CNTNAP2: variants seen among roughly 807,000 people sequenced by gnomAD.
The protein encoded by CNTNAP2 is contactin associated protein 2.
In CNTNAP2, 98 loss-of-function variants were observed where a neutral mutation model predicts 155.2. The ratio of observed to expected loss-of-function variants is 0.63; its 90% CI spans 0.54 to 0.75. The LOEUF is 0.75. CNTNAP2 is among the 30% of genes least tolerant of loss of function. The pLI is 0.00. For missense variants in CNTNAP2, 1,727 were observed against 1,688.1 expected, an observed-to-expected ratio of 1.02 and a Z score of -0.40; for synonymous variants, 651 against 631.2, an observed-to-expected ratio of 1.03 and a Z score of -0.47.
At chr7:147,978,044 T>G in intron 15 of CNTNAP2, 55 bp downstream of exon 15, 1 of 1,608,064 alleles carries the variant, frequency 6.2e-7, no homozygotes, top group Non-Finnish European at 8.5e-7. Context: ...TAAATATTGT[T>G]TCCAGGCTCC....
intron 4 of CNTNAP2, among the ~76,000 whole-genome samples, chr7:147,053,493 G>T (rs1304561802): frequency 1.3e-5 from 2 of 152,050 alleles, no homozygotes; most frequent in Non-Finnish European, 2.9e-5. Context: ...ATATGTCACT[G>T]ATATAGAGCT....
chr7:146,832,851 A>G (rs1453286756), intron 2 of CNTNAP2, among the ~76,000 whole-genome samples: 2 of 151,858 alleles, frequency 1.3e-5, no homozygotes, highest in Non-Finnish European at 2.9e-5. Context: ...ACCCGCCACC[A>G]CGCCTGGCAA....
chr7:146,268,673 G>A (rs1034302578), intron 1 of CNTNAP2, among the ~76,000 whole-genome samples: 4 of 152,178 alleles, frequency 2.6e-5, no homozygotes. Context: ...CAAATGAAAA[G>A]AGGAAAATGA....
intron 1 of CNTNAP2, among the ~76,000 whole-genome samples, chr7:146,548,103 C>T (rs577114047): frequency 6.6e-6 from 1 of 151,960 alleles, no homozygotes; most frequent in South Asian, 2.1e-4. Flanking sequence ...TTCCCTGACT[C>T]TCCCTCCTCC....
At chr7:147,536,143 G>A (rs1345836527) in intron 11 of CNTNAP2, among the ~76,000 whole-genome samples, 1 of 152,006 alleles carries the variant, frequency 6.6e-6, no homozygotes, top group Non-Finnish European at 1.5e-5. Flanking sequence ...TTTACCAAAT[G>A]AGTCTGAAAT....
chr7:147,221,429 G>T (rs995893324), intron 8 of CNTNAP2, among the ~76,000 whole-genome samples: 1 of 152,100 alleles, frequency 6.6e-6, no homozygotes, highest in African/African-American at 2.4e-5. Flanking sequence ...TCCTTGATAT[G>T]CAGCAGTGAT....
At chr7:147,977,832 A>C in intron 14 of CNTNAP2, 30 bp from the exon 15 acceptor site, 1 of 1,613,860 alleles carries the variant, frequency 6.2e-7, no homozygotes, top group Non-Finnish European at 8.5e-7. Flanking sequence ...CAGCCTCCTC[A>C]TTCTTTTTCT....
chr7:147,769,116 C>T (rs1245445434), intron 13 of CNTNAP2, among the ~76,000 whole-genome samples: 1 of 152,054 alleles, frequency 6.6e-6, no homozygotes, highest in African/African-American at 2.4e-5. Flanking sequence ...ATTTAATTAG[C>T]ACATGTGGTG....
intron 10 of CNTNAP2, among the ~76,000 whole-genome samples, chr7:147,448,640 A>C (rs1244861511): frequency 6.6e-6 from 1 of 151,944 alleles, no homozygotes; most frequent in Non-Finnish European, 1.5e-5. Context: ...GTGTTCTAAT[A>C]ATAGAGGAAA....
intron 1 of CNTNAP2, among the ~76,000 whole-genome samples, chr7:146,391,027 A>G (rs1312551821): frequency 7.0e-6 from 1 of 143,580 alleles, no homozygotes; most frequent in Non-Finnish European, 1.5e-5. Context: ...AGATCGCGCC[A>G]CTGCACTCCA....
chr7:146,286,748 G>A (rs188505409), intron 1 of CNTNAP2, among the ~76,000 whole-genome samples: 12 of 152,176 alleles, frequency 7.9e-5, no homozygotes, highest in African/African-American at 2.9e-4. Context: ...CCCTGACTGT[G>A]GAAAGTGATT....
At chr7:147,150,910 A>G (rs936365060) in intron 8 of CNTNAP2, among the ~76,000 whole-genome samples, 1 of 152,214 alleles carries the variant, frequency 6.6e-6, no homozygotes, top group African/African-American at 2.4e-5. Flanking sequence ...AAAGGACTAT[A>G]AAGAAATAGA....
At chr7:148,283,255 A>AAAAAG (rs1797008189) in intron 21 of CNTNAP2, among the ~76,000 whole-genome samples, 3 of 63,626 alleles carry the variant, frequency 4.7e-5, no homozygotes, top group East Asian at 6.0e-4. Flanking sequence ...AAAAAAAAAA[A>AAAAAG]AAAGAAAGAA....
At chr7:148,179,295 G>C (rs1172362101) in intron 18 of CNTNAP2, among the ~76,000 whole-genome samples, 1 of 152,160 alleles carries the variant, frequency 6.6e-6, no homozygotes, top group Non-Finnish European at 1.5e-5. Context: ...GATCATGTGA[G>C]CCCAGGAGTT....
At chr7:146,437,654 A>T (rs1185298621) in intron 1 of CNTNAP2, among the ~76,000 whole-genome samples, 1 of 151,672 alleles carries the variant, frequency 6.6e-6, no homozygotes, top group Non-Finnish European at 1.5e-5. Flanking sequence ...AACTAAAAAA[A>T]TAATTGTACA....
At chr7:146,877,419 G>T (rs1351120221) in intron 3 of CNTNAP2, among the ~76,000 whole-genome samples, 1 of 151,862 alleles carries the variant, frequency 6.6e-6, no homozygotes, top group African/African-American at 2.4e-5. Context: ...CCTGGAAGAT[G>T]GGTTGAGCCC....
chr7:146,853,173 T>C (rs138946781), intron 3 of CNTNAP2, among the ~76,000 whole-genome samples: 1 of 152,216 alleles, frequency 6.6e-6, no homozygotes, highest in East Asian at 1.9e-4. Flanking sequence ...GTTTTTCACA[T>C]GATATGTTAA....
Position 146,172,272 on chromosome 7 carries a change from G to C in CNTNAP2, c.97+55299G>C, listed in dbSNP as rs141712540. On this transcript the variant is annotated intron_variant, in intron 1 of 23. Coordinates refer to ENST00000361727, the MANE Select transcript of CNTNAP2 (RefSeq NM_014141.6). ...CTGGCAATATTTGGAGAAATGTTTT[G>C]TTGTCACAATTCTGGGGAGAGGAAT... Among the ~76,000 whole-genome samples the C allele has an allele frequency of 1.1e-4, 16 of 152,004 alleles. No homozygotes were observed. In the East Asian group the frequency reaches 2.9e-3, roughly 28 times the overall value.
chr7:148,015,686 T>G (rs369291389), intron 15 of CNTNAP2, among the ~76,000 whole-genome samples: 2 of 152,166 alleles, frequency 1.3e-5, no homozygotes, highest in East Asian at 3.8e-4. Context: ...ACCAACCACT[T>G]TCATCCTCAA....
Sources: allele counts gnomAD v4.1 joint callset (sites outside exome capture counted in the v4.1 genomes callset), GRCh38; gene constraint gnomAD v4.1.1; transcripts MANE v1.5; gene names NCBI Gene and HGNC (gene_info 2026-07-23, HGNC 2026-07-21).